EYS: variants seen among roughly 807,000 people sequenced by gnomAD.
The protein encoded by EYS is protein eyes shut homolog.
Under a neutral mutation model 282.1 loss-of-function variants are expected in EYS, and 250 were observed. That is an observed-to-expected ratio of 0.89 (90% CI 0.80 to 0.98). The LOEUF (loss-of-function observed/expected upper bound fraction) is 0.98, where lower values mean the gene tolerates loss of function less well. Among genes scored for constraint, EYS ranks in the 50% least tolerant of loss-of-function variants. EYS has a pLI of 0.00. For synonymous variants in EYS, 1,355 were observed against 1,282.9 expected (o/e 1.06, Z -1.20); for missense variants, 4,016 against 3,709.0 (o/e 1.08, Z -2.15).
intron 28 of EYS, among the ~76,000 whole-genome samples, chr6:64,411,890 CAT>C (rs1020455226): frequency 5.0e-5 from 4 of 80,462 alleles, no homozygotes; most frequent in Non-Finnish European, 5.8e-5. Context: ...AATATATACA[CAT>C]ATATATGTAT....
intron 26 of EYS, among the ~76,000 whole-genome samples, chr6:64,459,389 C>T (rs1214202309): frequency 2.0e-5 from 3 of 152,112 alleles, no homozygotes; most frequent in Non-Finnish European, 4.4e-5. Context: ...AACCTTTCAT[C>T]TCTTGTATTA....
intron 18 of EYS, 59 bp from the exon 19 acceptor site, chr6:64,886,901 T>C (rs556718507): frequency 1.1e-6 from 1 of 937,632 alleles, no homozygotes; most frequent in African/African-American, 1.8e-5. Context: ...ATTTATTATA[T>C]ATGATTCATA....
intron 13 of EYS, among the ~76,000 whole-genome samples, chr6:65,025,101 T>C (rs1323400387): frequency 2.0e-5 from 3 of 152,234 alleles, no homozygotes; most frequent in African/African-American, 4.8e-5. Flanking sequence ...CTTCTGAATA[T>C]TTTAAAGATT....
At chr6:64,518,179 AG>A (rs1777620121) in intron 26 of EYS, among the ~76,000 whole-genome samples, 1 of 151,868 alleles carries the variant, frequency 6.6e-6, no homozygotes, top group African/African-American at 2.4e-5. Flanking sequence ...AAATTCCTAA[AG>A]AAATTATTAA....
intron 26 of EYS, among the ~76,000 whole-genome samples, chr6:64,540,731 G>T (rs758201319): frequency 6.6e-6 from 1 of 152,052 alleles, no homozygotes; most frequent in Non-Finnish European, 1.5e-5. Context: ...TGACCCACAC[G>T]CCTCGGCCTC....
intron 36 of EYS, among the ~76,000 whole-genome samples, chr6:63,850,037 T>C (rs1772205119): frequency 6.6e-6 from 1 of 152,060 alleles, no homozygotes; most frequent in African/African-American, 2.4e-5. Context: ...CATACACAAG[T>C]ATCCATAGCT....
chr6:64,203,821 TTGA>T (rs1765542998), intron 31 of EYS, among the ~76,000 whole-genome samples: 1 of 152,132 alleles, frequency 6.6e-6, no homozygotes, highest in Non-Finnish European at 1.5e-5. Flanking sequence ...TATTACTGAG[TTGA>T]TGAGTAAATT....
chr6:64,451,045 T>C (rs6941061), intron 26 of EYS, among the ~76,000 whole-genome samples: 14 of 151,878 alleles, frequency 9.2e-5, no homozygotes, highest in Non-Finnish European at 1.9e-4. Flanking sequence ...AAAAAACCCT[T>C]CAAAAAAGCA....
chr6:64,688,325 A>C (rs1306188835), intron 22 of EYS, among the ~76,000 whole-genome samples: 1 of 151,638 alleles, frequency 6.6e-6, no homozygotes, highest in African/African-American at 2.4e-5. Flanking sequence ...TTAGGGTGTC[A>C]ATTTTAGATC....
intron 12 of EYS, among the ~76,000 whole-genome samples, chr6:65,108,029 G>T (rs576818384): frequency 4.2e-4 from 64 of 152,024 alleles, no homozygotes; most frequent in African/African-American, 1.5e-3. Flanking sequence ...TAAAGAAATT[G>T]AGATAAAATA....
At chr6:65,289,981 C>A (rs528307466) in intron 12 of EYS, among the ~76,000 whole-genome samples, 1 of 151,044 alleles carries the variant, frequency 6.6e-6, no homozygotes. Context: ...GAAGTCTTTT[C>A]TTTCAAATGC....
intron 41 of EYS, among the ~76,000 whole-genome samples, chr6:63,738,340 A>G (rs1322806459): frequency 1.1e-4 from 16 of 152,092 alleles, no homozygotes; most frequent in African/African-American, 3.9e-4. Flanking sequence ...ACCAACACAA[A>G]TGTCCAACAA....
intron 26 of EYS, among the ~76,000 whole-genome samples, chr6:64,476,362 T>C (rs917982493): frequency 6.6e-6 from 1 of 151,872 alleles, no homozygotes; most frequent in Non-Finnish European, 1.5e-5. Context: ...AGAAGTGATG[T>C]ATTAATATTA....
Position 63,720,873 on chromosome 6 carries a change from TG to T in EYS, c.9157del (p.Gln3053ArgfsTer8). 1 of 1,551,062 alleles carries T rather than the reference TG, an allele frequency of 6.4e-7. No individual in the cohort carries two copies. The highest frequency in any genetic ancestry group is 8.7e-7 in the Non-Finnish European group (1 of 1,146,626). ...ATTTATGTAGGCCTTGATAAGAGTC[TG>T]ATTTTGAATTACAACTACATGGTGC... ...KWHHVVVIQN[Q>X]TLIKAYINNS... is the part of the protein sequence containing the mutation. On this transcript the variant is annotated frameshift_variant, in exon 43 of 43. Coordinates refer to ENST00000503581, the MANE Select transcript of EYS (RefSeq NM_001142800.2). LOFTEE classifies it high-confidence loss of function.
At chr6:64,645,755 T>C (rs1398789044) in intron 22 of EYS, among the ~76,000 whole-genome samples, 5 of 152,204 alleles carry the variant, frequency 3.3e-5, no homozygotes, top group Admixed American at 3.3e-4. Flanking sequence ...GCTGCTTAAA[T>C]GCTAGTGATT....
At chr6:64,141,152 C>CTAAG (rs200160866) in intron 31 of EYS, among the ~76,000 whole-genome samples, 2,944 of 152,260 alleles carry the variant, frequency 0.019, 80 homozygotes, top group African/African-American at 0.067. Context: ...TTCGTTTACA[C>CTAAG]TAAGATCCTT....
chr6:64,265,857 G>T (rs988358541), intron 30 of EYS, among the ~76,000 whole-genome samples: 5 of 152,056 alleles, frequency 3.3e-5, no homozygotes, highest in Admixed American at 6.6e-5. Flanking sequence ...GCCTTGATTA[G>T]GACTTCCTGG....
chr6:64,207,212 T>C (rs1765636078), intron 31 of EYS, among the ~76,000 whole-genome samples: 1 of 151,866 alleles, frequency 6.6e-6, no homozygotes, highest in Admixed American at 6.6e-5. Flanking sequence ...GGTTAATTAT[T>C]ATGGGAGTGA....
At chr6:64,120,075 T>C (rs183721539) in intron 31 of EYS, among the ~76,000 whole-genome samples, 96 of 151,946 alleles carry the variant, frequency 6.3e-4, no homozygotes, top group Non-Finnish European at 1.1e-3. Context: ...TGGCCAGGCG[T>C]GGTGGCTTAC....
Sources: gnomAD v4.1 joint callset for allele counts (sites outside exome capture counted in the v4.1 genomes callset) on GRCh38, gnomAD v4.1.1 for gene constraint, MANE v1.5 for transcripts, NCBI Gene and HGNC (gene_info 2026-07-23, HGNC 2026-07-21) for gene names.